DNAJC18: variants seen among roughly 807,000 people sequenced by gnomAD.
The protein encoded by DNAJC18 is dnaJ homolog subfamily C member 18.
In DNAJC18, 40 loss-of-function variants were observed where a neutral mutation model predicts 48.6. The ratio of observed to expected loss-of-function variants is 0.82; its 90% CI spans 0.64 to 1.07. The LOEUF is 1.07. Ranked by LOEUF, DNAJC18 falls within the 50% of genes least tolerant of loss-of-function variation. The probability of loss-of-function intolerance (pLI) is 0.00; values close to 1 mark genes in which losing one functional copy is unlikely to be tolerated. For missense variants in DNAJC18, 340 were observed against 427.7 expected (o/e 0.79, Z 1.81); for synonymous variants, 135 against 152.2 (o/e 0.89, Z 0.83).
At chr5:139,430,586 C>CTTTTT (rs70982778) in intron 2 of DNAJC18, among the ~76,000 whole-genome samples, 1 of 145,876 alleles carries the variant, frequency 6.9e-6, no homozygotes. Flanking sequence ...ATATCTACCT[C>CTTTTT]TTTTTTTTTT....
At chr5:139,418,906 A>T (rs1759108396) in intron 7 of DNAJC18, 1 of 454,930 alleles carries the variant, frequency 2.2e-6, no homozygotes, top group Non-Finnish European at 4.4e-6. Context: ...AGACTGACAT[A>T]TATCCCTGGA....
chr5:139,435,352 CAA>C (rs562542538), intron 2 of DNAJC18, among the ~76,000 whole-genome samples: 2 of 145,268 alleles, frequency 1.4e-5, no homozygotes, highest in South Asian at 2.2e-4. Context: ...GAATCCGTCT[CAA>C]AAAAAAAAGA....
At chr5:139,428,411 T>C in intron 3 of DNAJC18, 127 bp downstream of exon 3, 2 of 1,259,604 alleles carry the variant, frequency 1.6e-6, no homozygotes, top group Admixed American at 2.4e-5. Context: ...TATCACTATT[T>C]AAGAGGTGTG....
At chr5:139,418,564 A>G (rs371566166) in intron 7 of DNAJC18, among the ~76,000 whole-genome samples, 1 of 152,182 alleles carries the variant, frequency 6.6e-6, no homozygotes, top group East Asian at 1.9e-4. Context: ...GTGTTTTTCA[A>G]TAAATTGGAA....
chr5:139,423,610 A>G lies in DNAJC18; in HGVS notation c.670-793T>C, dbSNP rs1759187020. Among the ~76,000 whole-genome samples the G allele has an allele frequency of 3.3e-5, 5 of 152,008 alleles. No homozygotes were observed. In the South Asian group the frequency reaches 1.0e-3, roughly 32 times the overall value. The stretch of plus-strand genomic sequence containing the variant: ...TGCCATGTTGCCCAGGCTAATCTCA[A>G]ACTCCTAGGCTCAAGCAATTCTCCT... On this transcript the variant is annotated intron_variant, in intron 5 of 7. Coordinates refer to ENST00000302060, the MANE Select transcript of DNAJC18 (RefSeq NM_152686.4).
At chr5:139,421,518 A>AAT (rs1222357173) in intron 6 of DNAJC18, among the ~76,000 whole-genome samples, 1 of 151,422 alleles carries the variant, frequency 6.6e-6, no homozygotes, top group East Asian at 2.0e-4. Context: ...GTAAAAGGAA[A>AAT]ATACTAGCCG....
intron 2 of DNAJC18, among the ~76,000 whole-genome samples, chr5:139,428,998 A>G (rs1286931812): frequency 6.6e-6 from 1 of 152,128 alleles, no homozygotes; most frequent in Non-Finnish European, 1.5e-5. Flanking sequence ...CAGCAAAGCC[A>G]GAAGAAACAG....
chr5:139,428,564 G>A lies in DNAJC18; in HGVS notation c.347C>T (p.Ala116Val). The change falls in exon 3 of 8, where the codon GCT becomes GTT. Residue 116 changes from alanine to valine, a missense_variant. By Grantham distance (64) the Ala-to-Val change is moderately conservative. Transcript: ENST00000302060. ...TTTGAAAGCATCTGTTGCTCCAGGA[G>A]CACAGTTCTTGTCAGGGTGAAATTT... is the stretch of plus-strand genomic sequence containing the variant. Reference protein sequence around the residue: ...ALKFHPDKNCAPGATDAFKAI... With the variant: ...ALKFHPDKNCVPGATDAFKAI... 6.2e-7 allele frequency: 1 copy of A among 1,613,800 alleles called. No homozygotes were observed. Among genetic ancestry groups the A allele is most frequent in the Non-Finnish European group, 8.5e-7 (1 of 1,179,900 alleles).
rs749637025 is a variant in DNAJC18, at chr5:139,426,354, A to G, written c.377T>C (p.Ile126Thr). The G allele has an allele frequency of 4.3e-6, 7 of 1,613,852 alleles. No homozygotes were observed. The African/African-American group carries it at 9.3e-5, about 22-fold the overall frequency. The part of the protein sequence containing the change: ...APGATDAFKA[I>T]GNAFAVLSNP... ...GCTCAGGACTGCAAATGCATTTCCTATTGCTGCAACCAACAAGAACCAGCA... is the reference window on the plus strand; with the variant it reads ...GCTCAGGACTGCAAATGCATTTCCTGTTGCTGCAACCAACAAGAACCAGCA... Residue 126 changes from isoleucine to threonine, a missense_variant, in exon 4 of 8, where the codon ATA becomes ACA. Coordinates refer to ENST00000302060, the MANE Select transcript of DNAJC18 (RefSeq NM_152686.4).
Position 139,414,041 on chromosome 5 carries a change from A to AG in DNAJC18, c.*106_*107insC, listed in dbSNP as rs1759034086. ...CTCTGCCCAACCAACGAAGTTAGCA[A>AG]ATAGTAAAGTGTTCATCATTACCTA... On this transcript the variant is annotated 3_prime_UTR_variant, in exon 8 of 8. Transcript: ENST00000302060. The AG allele has an allele frequency of 6.8e-7, 1 of 1,469,234 alleles. No homozygotes were observed. Among genetic ancestry groups the AG allele is most frequent in the African/African-American group, 1.4e-5 (1 of 69,612 alleles). The allele number at this position is 1,469,234 out of a possible 1,614,324, so 91.0% of individuals were successfully genotyped here. A position where few individuals can be genotyped will look rare whatever the true frequency, so the allele number is the denominator to read the frequency against.
chr5:139,435,717 T>TTTTTTTTTTTTTTTTTTTTTTTTTC (rs1750633137), intron 2 of DNAJC18, among the ~76,000 whole-genome samples: 1 of 119,346 alleles, frequency 8.4e-6, no homozygotes, highest in Non-Finnish European at 1.7e-5. Context: ...TTTTTTTTTT[T>TTTTTTTTTTTTTTTTTTTTTTTTTC]TTTTTTTTTT....
chr5:139,413,061 T>C lies in DNAJC18; in HGVS notation c.*1087A>G, dbSNP rs1759017101. On this transcript the variant is annotated 3_prime_UTR_variant, in exon 8 of 8. Transcript: ENST00000302060. ...TTCATAGAACCAGGGATAATACATC[T>C]ACTTCAGAGTTGTGAGGAGGTTTAA... 1 of 397,284 alleles carries C rather than the reference T, an allele frequency of 2.5e-6. No homozygotes were observed. The highest frequency in any genetic ancestry group is 4.4e-6 in the Non-Finnish European group (1 of 225,784). 24.6% of individuals were successfully genotyped at this position (397,284 alleles called of 1,614,324 possible). A position where few individuals can be genotyped will look rare whatever the true frequency, so the allele number is the denominator to read the frequency against.
intron 2 of DNAJC18, among the ~76,000 whole-genome samples, chr5:139,435,718 T>TG (rs1750633197): frequency 1.7e-5 from 2 of 120,866 alleles, no homozygotes; most frequent in Admixed American, 1.8e-4. Context: ...TTTTTTTTTT[T>TG]TTTTTTTTTT....
intron 5 of DNAJC18, among the ~76,000 whole-genome samples, chr5:139,423,318 T>C (rs1420634368): frequency 6.6e-6 from 1 of 151,550 alleles, no homozygotes; most frequent in Non-Finnish European, 1.5e-5. Context: ...TCACAAATGC[T>C]CCAAAATCTA....
At position 139,439,459 on chromosome 5, in the gene DNAJC18, C is replaced by T. The variant is rs1750746751; in HGVS notation, c.-14G>A. The stretch of plus-strand genomic sequence containing the variant: ...AGTCGCCGCCATATCGGTTCCCAAT[C>T]AGCAGGTCCGCCGAGCCTCCCCCGT... On this transcript the variant is annotated 5_prime_UTR_variant, in exon 1 of 8. Coordinates refer to ENST00000302060, the MANE Select transcript of DNAJC18 (RefSeq NM_152686.4). This position sits in a 1 kb window ranked among gnomAD's most constrained non-coding sequence, Gnocchi z 4.1. 1 of 1,614,002 alleles carries T rather than the reference C, an allele frequency of 6.2e-7. No individual in the cohort carries two copies. Among genetic ancestry groups the T allele is most frequent in the Admixed American group, 1.7e-5 (1 of 60,028 alleles).
intron 7 of DNAJC18, chr5:139,419,261 T>C (rs981521688): frequency 2.5e-6 from 1 of 399,518 alleles, no homozygotes; most frequent in Non-Finnish European, 4.9e-6. Context: ...AGAATTCAAG[T>C]GGGACCAAAG....
intron 2 of DNAJC18, 115 bp downstream of exon 2, chr5:139,437,257 G>T: frequency 7.7e-7 from 1 of 1,304,184 alleles, no homozygotes; most frequent in Non-Finnish European, 1.0e-6. Context: ...AAGCTAGTAT[G>T]CCTCAATTAT....
At chr5:139,416,611 A>G (rs1229687910) in intron 7 of DNAJC18, among the ~76,000 whole-genome samples, 2 of 152,194 alleles carry the variant, frequency 1.3e-5, no homozygotes, top group African/African-American at 4.8e-5. Flanking sequence ...TAACCCACAC[A>G]ACCTCTCTAG....
At chr5:139,419,200 A>C (rs962837023) in intron 7 of DNAJC18, 5 of 444,604 alleles carry the variant, frequency 1.1e-5, no homozygotes, top group African/African-American at 1.0e-4. Context: ...AAATAAAAAT[A>C]ATCAAAACCA....
Sources: gnomAD v4.1 joint callset for allele counts (sites outside exome capture counted in the v4.1 genomes callset) on GRCh38, gnomAD v4.1.1 for gene constraint, Gnocchi (gnomAD v3.1) non-coding constraint, MANE v1.5 for transcripts, NCBI Gene and HGNC (gene_info 2026-07-23, HGNC 2026-07-21) for gene names.